EBF2: variants seen among roughly 807,000 people sequenced by gnomAD.
The protein encoded by EBF2 is EBF transcription factor 2.
EBF2 carries 21 observed loss-of-function variants against 72.8 expected under a neutral mutation model. That is an observed-to-expected ratio of 0.29 (90% CI 0.20 to 0.42). The LOEUF is 0.42. Ranked by LOEUF, EBF2 falls within the 10% of genes least tolerant of loss-of-function variation. The pLI is 1.00. For missense variants in EBF2, 637 were observed against 731.2 expected, an observed-to-expected ratio of 0.87 and a Z score of 1.49; for synonymous variants, 299 against 274.2, an observed-to-expected ratio of 1.09 and a Z score of -0.89.
chr8:25,978,054 C>T (rs935965337), intron 6 of EBF2, among the ~76,000 whole-genome samples: 2 of 152,170 alleles, frequency 1.3e-5, no homozygotes, highest in Non-Finnish European at 2.9e-5. Flanking sequence ...ACTGTGGTCA[C>T]AGGCTGCTGG....
At chr8:25,865,044 G>T (rs530377895) in intron 10 of EBF2, among the ~76,000 whole-genome samples, 79 of 152,072 alleles carry the variant, frequency 5.2e-4, no homozygotes, top group Non-Finnish European at 9.6e-4. Context: ...CTCGTGATCC[G>T]CCTGCCTCGG....
chr8:25,917,056 T>G (rs1035942900), intron 6 of EBF2, among the ~76,000 whole-genome samples: 1 of 152,136 alleles, frequency 6.6e-6, no homozygotes, highest in African/African-American at 2.4e-5. Context: ...ATAGCCCAAG[T>G]GGCAAGCAGT....
At chr8:25,953,105 G>A (rs1208335131) in intron 6 of EBF2, among the ~76,000 whole-genome samples, 1 of 152,214 alleles carries the variant, frequency 6.6e-6, no homozygotes, top group African/African-American at 2.4e-5. Context: ...ACAGCCTGGA[G>A]TAGGGGCCCC....
rs530619353 is a variant in EBF2 at position 26,025,876 on chromosome 8, T to TA, written c.551+7208dup. Among the ~76,000 whole-genome samples, 52 of 147,924 alleles carry TA rather than the reference T, an allele frequency of 3.5e-4. No homozygotes were observed. The East Asian group carries it at 3.5e-3, about 10-fold the overall frequency. On this transcript the variant is annotated intron_variant, in intron 6 of 15. Transcript: ENST00000520164. ...TCCCTGAGAGAATGAAATTTTCACT[T>TA]AAAAAAAAAAATACATTGAGTGCAG... is the stretch of plus-strand genomic sequence containing the variant.
chr8:25,957,430 G>A (rs550645540), intron 6 of EBF2, among the ~76,000 whole-genome samples: 2 of 152,264 alleles, frequency 1.3e-5, no homozygotes, highest in East Asian at 3.9e-4. Flanking sequence ...TGCTAGTTCA[G>A]GGTTACAGAC....
chr8:25,874,843 G>A (rs999348555), intron 10 of EBF2, among the ~76,000 whole-genome samples: 4 of 145,924 alleles, frequency 2.7e-5, no homozygotes, highest in African/African-American at 1.0e-4. Context: ...TGCCCCACCA[G>A]CCTGGCTAAC....
At chr8:25,907,729 A>G (rs1035926974) in intron 7 of EBF2, among the ~76,000 whole-genome samples, 1 of 152,134 alleles carries the variant, frequency 6.6e-6, no homozygotes, top group Non-Finnish European at 1.5e-5. Flanking sequence ...ATCGTTTAAC[A>G]TGTTTTTAAT....
chr8:26,028,400 T>C lies in EBF2; in HGVS notation c.551+4685A>G, dbSNP rs139633387. Among the ~76,000 whole-genome samples, 224 of 152,356 alleles carry C rather than the reference T, an allele frequency of 1.5e-3. 1 individual carries two copies. The highest frequency in any genetic ancestry group is 5.1e-3 in the African/African-American group (212 of 41,582). On this transcript the variant is annotated intron_variant, in intron 6 of 15. Transcript: ENST00000520164. ...TGTGAGAAATAGGTTGGACCTCCTC[T>C]TTATTTATTTACTAGAAAATACCCT...
At chr8:25,853,228 A>G (rs1802018871) in intron 14 of EBF2, among the ~76,000 whole-genome samples, 1 of 152,210 alleles carries the variant, frequency 6.6e-6, no homozygotes, top group African/African-American at 2.4e-5. Flanking sequence ...TTTGCCACAT[A>G]ATGAAAAACT....
intron 15 of EBF2, 126 bp from the exon 16 acceptor site, chr8:25,844,766 A>G: frequency 8.4e-7 from 1 of 1,188,676 alleles, no homozygotes. Flanking sequence ...TGGTGCCCTC[A>G]GCTGATATGA....
At chr8:25,894,529 C>T (rs1311952981) in intron 7 of EBF2, among the ~76,000 whole-genome samples, 2 of 152,170 alleles carry the variant, frequency 1.3e-5, no homozygotes, top group Non-Finnish European at 2.9e-5. Context: ...TGACAACTTC[C>T]TGAAACACCT....
chr8:25,986,405 CTGT>C (rs1168402658), intron 6 of EBF2, among the ~76,000 whole-genome samples: 2 of 152,152 alleles, frequency 1.3e-5, no homozygotes, highest in African/African-American at 4.8e-5. Flanking sequence ...TTTCGAATTG[CTGT>C]TAAGTGCCCC....
intron 15 of EBF2, among the ~76,000 whole-genome samples, chr8:25,845,293 G>A (rs930459411): frequency 6.6e-6 from 1 of 152,062 alleles, no homozygotes; most frequent in Admixed American, 6.6e-5. Context: ...GAGTGCAGTG[G>A]GGCCATCTCA....
At chr8:25,970,148 C>G (rs893899691) in intron 6 of EBF2, among the ~76,000 whole-genome samples, 1 of 152,130 alleles carries the variant, frequency 6.6e-6, no homozygotes. Context: ...CCTTCTGACC[C>G]AGAGAGGCAG....
intron 6 of EBF2, among the ~76,000 whole-genome samples, chr8:25,961,789 C>T (rs757071120): frequency 9.9e-5 from 15 of 152,164 alleles, no homozygotes; most frequent in African/African-American, 1.9e-4. Context: ...GGGGCTCAAG[C>T]GCCAGGGGCA....
At chr8:25,934,451 A>T (rs1337630978) in intron 6 of EBF2, among the ~76,000 whole-genome samples, 1 of 152,188 alleles carries the variant, frequency 6.6e-6, no homozygotes, top group Non-Finnish European at 1.5e-5. Flanking sequence ...CTGCAGGAAG[A>T]CATCATTGCC....
chr8:25,888,362 G>T (rs1802726663), intron 8 of EBF2, among the ~76,000 whole-genome samples: 1 of 152,158 alleles, frequency 6.6e-6, no homozygotes, highest in African/African-American at 2.4e-5. Context: ...ACTGGCTGTT[G>T]GTTTTCACCG....
chr8:26,009,646 C>A (rs1167425227), intron 6 of EBF2, among the ~76,000 whole-genome samples: 1 of 152,172 alleles, frequency 6.6e-6, no homozygotes, highest in Non-Finnish European at 1.5e-5. Context: ...TCTTGGCAAA[C>A]GGCATCCGTG....
At chr8:25,974,599 C>T (rs912033538) in intron 6 of EBF2, among the ~76,000 whole-genome samples, 1 of 152,078 alleles carries the variant, frequency 6.6e-6, no homozygotes, top group African/African-American at 2.4e-5. Context: ...GAATTTTGCT[C>T]TTCAATTAAG....
Sources: allele counts gnomAD v4.1 joint callset (sites outside exome capture counted in the v4.1 genomes callset), GRCh38; gene constraint gnomAD v4.1.1; transcripts MANE v1.5; gene names NCBI Gene and HGNC (gene_info 2026-07-23, HGNC 2026-07-21).